Variants in TMC1 observed in about 807,000 individuals in gnomAD.
TMC1 encodes transmembrane channel like 1.
Under a neutral mutation model 105.8 loss-of-function variants are expected in TMC1, and 84 were observed. That is an observed-to-expected ratio of 0.79 (90% CI 0.67 to 0.95). The LOEUF is 0.95. Among genes scored for constraint, TMC1 ranks in the 40% least tolerant of loss-of-function variants. The pLI, the probability that TMC1 is intolerant of heterozygous loss-of-function variation, is 0.00. For synonymous variants in TMC1, 315 were observed against 311.5 expected, an observed-to-expected ratio of 1.01 and a Z score of -0.12; for missense variants, 817 against 914.1, an observed-to-expected ratio of 0.89 and a Z score of 1.37.
chr9:72,608,381 A>G (rs1426193333), intron 2 of TMC1, among the ~76,000 whole-genome samples: 2 of 152,176 alleles, frequency 1.3e-5, no homozygotes, highest in Non-Finnish European at 2.9e-5. Flanking sequence ...CCATTCTACT[A>G]TTTTAAGGTT....
intron 12 of TMC1, among the ~76,000 whole-genome samples, chr9:72,760,074 C>A (rs968384452): frequency 6.6e-6 from 1 of 151,694 alleles, no homozygotes; most frequent in Non-Finnish European, 1.5e-5. Flanking sequence ...TTCCTAAATT[C>A]TTTTTGTATC....
chr9:72,650,889 T>G lies in TMC1; in HGVS notation c.16+2225T>G, dbSNP rs77286413. Among the ~76,000 whole-genome samples the G allele has an allele frequency of 2.3e-5, 3 of 128,552 alleles. 1 individual carries two copies. Among genetic ancestry groups the G allele is most frequent in the African/African-American group, 8.2e-5 (3 of 36,672 alleles). 84.3% of individuals were successfully genotyped at this position (128,552 alleles called of 152,430 possible). ...GGTGTATTTTATATATATAGATATA[T>G]AGATATATATATAAATATATATAGA... On this transcript the variant is annotated intron_variant, in intron 5 of 23. Coordinates refer to ENST00000297784, the MANE Select transcript of TMC1 (RefSeq NM_138691.3).
At chr9:72,618,220 G>T (rs185359216) in intron 3 of TMC1, among the ~76,000 whole-genome samples, 70 of 151,658 alleles carry the variant, frequency 4.6e-4, no homozygotes, top group African/African-American at 1.7e-3. Context: ...GTGGAGACTG[G>T]GTTTCACCAT....
chr9:72,803,599 G>C (rs929636003), intron 17 of TMC1, among the ~76,000 whole-genome samples: 2 of 152,152 alleles, frequency 1.3e-5, no homozygotes, highest in East Asian at 3.9e-4. Context: ...TCTCAAAGAA[G>C]AGATTCACGT....
rs1051044239 is a variant in TMC1, at chr9:72,742,376, G to A, written c.454-68G>A. 4.1e-6 allele frequency: 5 copies of A among 1,212,496 alleles called. No individual in the cohort carries two copies. In the African/African-American group the frequency reaches 4.5e-5, roughly 11 times the overall value. The allele number at this position is 1,212,496 out of a possible 1,614,324, so 75.1% of individuals were successfully genotyped here. ...AGCTTACTGCATTGTAATGTTTTGA[G>A]GTGGGGGATAAACATCTTGACAAAT... On this transcript the variant is annotated intron_variant, in intron 9 of 23. Coordinates refer to ENST00000297784, the MANE Select transcript of TMC1 (RefSeq NM_138691.3).
intron 4 of TMC1, among the ~76,000 whole-genome samples, chr9:72,633,839 C>T (rs572904264): frequency 2.6e-5 from 4 of 152,274 alleles, no homozygotes; most frequent in South Asian, 2.1e-4. Flanking sequence ...TCAGTTCTGA[C>T]ACCATCTACA....
chr9:72,685,910 T>A (rs955598786), intron 5 of TMC1, among the ~76,000 whole-genome samples: 1 of 152,198 alleles, frequency 6.6e-6, no homozygotes, highest in African/African-American at 2.4e-5. Context: ...GGCCACTTGG[T>A]CACTGTGTTA....
chr9:72,656,166 T>C (rs759376734), intron 5 of TMC1: 2 of 595,860 alleles, frequency 3.4e-6, no homozygotes, highest in Non-Finnish European at 3.2e-6. Context: ...GCTCCGTGGG[T>C]GTTTTTCCGG....
rs1009141904 is a variant in TMC1, at chr9:72,837,975, T to G, written c.*2002T>G. On this transcript the variant is annotated 3_prime_UTR_variant, in exon 24 of 24. Transcript: ENST00000297784. ...ATATTGATTTTCATGTGACTTGTAA[T>G]GGTTCCTTATTATTTTTTGATGCAT... 6.6e-6 allele frequency: 1 copy of G among 152,238 alleles called. No individual in the cohort carries two copies. Among genetic ancestry groups the G allele is most frequent in the Non-Finnish European group, 1.5e-5 (1 of 68,040 alleles). The allele number at this position is 152,238 out of a possible 1,614,324, so 9.4% of individuals were successfully genotyped here.
chr9:72,635,903 G>T (rs1564459106), intron 4 of TMC1, among the ~76,000 whole-genome samples: 2 of 152,166 alleles, frequency 1.3e-5, no homozygotes, highest in African/African-American at 4.8e-5. Flanking sequence ...CCTAAGGATG[G>T]CTTATCCTTT....
At chr9:72,532,626 A>T (rs534269235) in intron 1 of TMC1, among the ~76,000 whole-genome samples, 69 of 150,424 alleles carry the variant, frequency 4.6e-4, no homozygotes, top group African/African-American at 1.7e-3. Flanking sequence ...TGAAGCCATG[A>T]TCATGACGCT....
At chr9:72,551,023 A>G (rs1386763031) in intron 1 of TMC1, among the ~76,000 whole-genome samples, 1 of 152,184 alleles carries the variant, frequency 6.6e-6, no homozygotes, top group Admixed American at 6.6e-5. Flanking sequence ...GTTTCCTATA[A>G]ATTCTGTGGT....
chr9:72,806,118 C>T (rs371117722), intron 18 of TMC1, among the ~76,000 whole-genome samples: 22 of 151,460 alleles, frequency 1.5e-4, no homozygotes, highest in East Asian at 6.0e-4. Flanking sequence ...CCAGTAGGGG[C>T]GGCCGGGCAG....
chr9:72,672,362 T>C (rs1826137234), intron 5 of TMC1, among the ~76,000 whole-genome samples: 1 of 152,160 alleles, frequency 6.6e-6, no homozygotes, highest in Admixed American at 6.5e-5. Context: ...AAATTCCTTA[T>C]AAAATTAAAT....
At chr9:72,716,880 G>T (rs1405437116) in intron 8 of TMC1, among the ~76,000 whole-genome samples, 1 of 152,196 alleles carries the variant, frequency 6.6e-6, no homozygotes, top group East Asian at 1.9e-4. Context: ...TGGAAACCCA[G>T]CACCAGGGCC....
chr9:72,778,563 G>A (rs889840404), intron 13 of TMC1, among the ~76,000 whole-genome samples: 1 of 152,184 alleles, frequency 6.6e-6, no homozygotes, highest in African/African-American at 2.4e-5. Flanking sequence ...ACTGCAGACT[G>A]TGTGGAGTTC....
intron 2 of TMC1, among the ~76,000 whole-genome samples, chr9:72,615,602 A>G (rs55943376): frequency 0.014 from 2,141 of 152,246 alleles, 62 homozygotes; most frequent in African/African-American, 0.049. Flanking sequence ...TTCGACTTCA[A>G]TGTGGTGATT....
intron 4 of TMC1, among the ~76,000 whole-genome samples, chr9:72,645,097 G>C (rs375093635): frequency 2.0e-5 from 3 of 152,262 alleles, no homozygotes; most frequent in African/African-American, 4.8e-5. Flanking sequence ...GAAGCCCACA[G>C]CAGCAGACCA....
intron 5 of TMC1, among the ~76,000 whole-genome samples, chr9:72,663,953 G>A (rs1826004262): frequency 6.6e-6 from 1 of 151,978 alleles, no homozygotes; most frequent in Non-Finnish European, 1.5e-5. Flanking sequence ...ACAGGTTCTG[G>A]ATCATCAATA....
Sources: gnomAD v4.1 joint callset for allele counts (sites outside exome capture counted in the v4.1 genomes callset) on GRCh38, gnomAD v4.1.1 for gene constraint, MANE v1.5 for transcripts, NCBI Gene and HGNC (gene_info 2026-07-23, HGNC 2026-07-21) for gene names.